Variants in IMPG1 observed in about 807,000 individuals in gnomAD.
The protein encoded by IMPG1 is interphotoreceptor matrix proteoglycan of 150 kDa.
A neutral mutation model predicts 92.0 loss-of-function variants in IMPG1; 85 were observed. The ratio of observed to expected loss-of-function variants is 0.92; its 90% confidence interval spans 0.78 to 1.11. IMPG1 has a LOEUF of 1.11. Among genes scored for constraint, IMPG1 ranks in the 50% least tolerant of loss-of-function variants. IMPG1 has a pLI of 0.00. For missense variants in IMPG1, 1,022 were observed against 956.0 expected (o/e 1.07, Z -0.91); for synonymous variants, 367 against 334.1 (o/e 1.10, Z -1.08).
intron 14 of IMPG1, among the ~76,000 whole-genome samples, chr6:75,945,623 T>C (rs1781914216): frequency 6.6e-6 from 1 of 152,184 alleles, no homozygotes; most frequent in Admixed American, 6.5e-5. Flanking sequence ...AGTGCTGGGA[T>C]TATGGGTGTG....
chr6:76,061,903 T>G (rs956174022), intron 1 of IMPG1, among the ~76,000 whole-genome samples: 15 of 152,326 alleles, frequency 9.8e-5, no homozygotes, highest in African/African-American at 3.4e-4. Flanking sequence ...TCTTTTTTTG[T>G]GCTAAAACAA....
rs535902459 is a variant in IMPG1, at chr6:75,994,241, T to C, written c.1291+8677A>G. ...AATGAAACCTCTAAATCAGGATGTG[T>C]AGGAGGACAAAGCATGCATAGCTGC... On this transcript the variant is annotated intron_variant, in intron 12 of 16. Transcript: ENST00000369950. Among the ~76,000 whole-genome samples, 5 of 152,326 alleles carry C rather than the reference T, an allele frequency of 3.3e-5. No individual in the cohort carries two copies. The East Asian group carries it at 9.6e-4, about 29-fold the overall frequency.
chr6:75,962,091 T>C (rs149800895), intron 12 of IMPG1, among the ~76,000 whole-genome samples: 4 of 151,830 alleles, frequency 2.6e-5, no homozygotes, highest in African/African-American at 9.7e-5. Flanking sequence ...CCAAGACTTC[T>C]GCAATTGTAC....
At chr6:75,926,818 T>C (rs535757198) in intron 15 of IMPG1, among the ~76,000 whole-genome samples, 2 of 106,070 alleles carry the variant, frequency 1.9e-5, no homozygotes, top group South Asian at 3.4e-4. Flanking sequence ...ATATATGGAG[T>C]ATAGTTACAA....
intron 1 of IMPG1, among the ~76,000 whole-genome samples, chr6:76,045,708 A>T (rs1288507749): frequency 6.6e-6 from 1 of 152,188 alleles, no homozygotes; most frequent in Non-Finnish European, 1.5e-5. Context: ...AAGAGCTGAT[A>T]GTTGTTGGAG....
chr6:75,985,815 C>T (rs141984457), intron 12 of IMPG1, among the ~76,000 whole-genome samples: 33 of 152,230 alleles, frequency 2.2e-4, no homozygotes, highest in African/African-American at 7.5e-4. Flanking sequence ...TCTATATGCA[C>T]TTATCAAAAT....
At chr6:75,940,842 G>T (rs1781827443) in intron 14 of IMPG1, among the ~76,000 whole-genome samples, 1 of 152,108 alleles carries the variant, frequency 6.6e-6, no homozygotes, top group Admixed American at 6.6e-5. Flanking sequence ...AGAAATGTCT[G>T]CATTTTCCTC....
At chr6:75,998,516 A>C (rs1208497588) in intron 12 of IMPG1, among the ~76,000 whole-genome samples, 1 of 152,242 alleles carries the variant, frequency 6.6e-6, no homozygotes, top group East Asian at 1.9e-4. Context: ...AAGACAAAGC[A>C]ATGTCCAATA....
intron 4 of IMPG1, among the ~76,000 whole-genome samples, chr6:76,027,040 T>A (rs1211878462): frequency 6.6e-6 from 1 of 152,238 alleles, no homozygotes; most frequent in East Asian, 1.9e-4. Flanking sequence ...AGAGCTGTAA[T>A]TAATTTGGCC....
intron 12 of IMPG1, among the ~76,000 whole-genome samples, chr6:75,970,255 T>G (rs1232821898): frequency 6.6e-6 from 1 of 152,180 alleles, no homozygotes; most frequent in Non-Finnish European, 1.5e-5. Context: ...AAATGCGTAA[T>G]TAAGAGAGGC....
intron 4 of IMPG1, 142 bp downstream of exon 4, chr6:76,034,173 A>G: frequency 1.3e-6 from 1 of 741,974 alleles, no homozygotes; most frequent in Admixed American, 2.5e-5. Context: ...CATTATATGC[A>G]GGAATTGTCT....
chr6:76,031,809 C>T (rs561564742), intron 4 of IMPG1, among the ~76,000 whole-genome samples: 1 of 152,316 alleles, frequency 6.6e-6, no homozygotes, highest in East Asian at 1.9e-4. Context: ...CTGGCTATTG[C>T]ATTAGTTACA....
At chr6:75,943,145 T>C (rs1781862012) in intron 14 of IMPG1, among the ~76,000 whole-genome samples, 1 of 152,170 alleles carries the variant, frequency 6.6e-6, no homozygotes, top group East Asian at 1.9e-4. Flanking sequence ...TCTGTGTTTG[T>C]GCACCTGACT....
chr6:76,057,702 C>T (rs896558834), intron 1 of IMPG1, among the ~76,000 whole-genome samples: 20 of 152,098 alleles, frequency 1.3e-4, no homozygotes, highest in Admixed American at 1.0e-3. Flanking sequence ...TTAAGTGAAA[C>T]CCATAGGTGG....
intron 7 of IMPG1, among the ~76,000 whole-genome samples, chr6:76,017,616 T>G (rs1366199236): frequency 6.6e-6 from 1 of 152,234 alleles, no homozygotes; most frequent in Non-Finnish European, 1.5e-5. Context: ...ATATACATCT[T>G]GATGAATTTG....
At chr6:75,939,867 A>C (rs1230653661) in intron 14 of IMPG1, among the ~76,000 whole-genome samples, 2 of 152,200 alleles carry the variant, frequency 1.3e-5, no homozygotes, top group Non-Finnish European at 2.9e-5. Context: ...CAAGAGGTAG[A>C]CAGCCTGTGC....
At chr6:75,986,534 C>A (rs1023330631) in intron 12 of IMPG1, among the ~76,000 whole-genome samples, 1 of 151,996 alleles carries the variant, frequency 6.6e-6, no homozygotes, top group Non-Finnish European at 1.5e-5. Flanking sequence ...TATTGCTGAG[C>A]ATGAATTTGT....
chr6:75,934,354 T>G (rs1285247943), intron 14 of IMPG1, among the ~76,000 whole-genome samples: 1 of 152,218 alleles, frequency 6.6e-6, no homozygotes, highest in East Asian at 1.9e-4. Flanking sequence ...TTGGAAATAT[T>G]TGTATCATTC....
intron 1 of IMPG1, among the ~76,000 whole-genome samples, chr6:76,050,721 C>T (rs1388084104): frequency 2.0e-5 from 3 of 152,162 alleles, no homozygotes; most frequent in Non-Finnish European, 4.4e-5. Context: ...CATTCTCTTT[C>T]TTGGCTACAT....
Sources: allele counts gnomAD v4.1 joint callset (sites outside exome capture counted in the v4.1 genomes callset), GRCh38; gene constraint gnomAD v4.1.1; transcripts MANE v1.5; gene names NCBI Gene and HGNC (gene_info 2026-07-23, HGNC 2026-07-21).